The following RPS6KA3 variants were observed in gnomAD, a reference collection of about 807,000 sequenced individuals.
The protein encoded by RPS6KA3 is ribosomal protein S6 kinase alpha-3.
Under a neutral mutation model 67.2 loss-of-function variants are expected in RPS6KA3, and 4 were observed. The ratio of observed to expected loss-of-function variants is 0.06; its 90% CI spans 0.03 to 0.14. The LOEUF is 0.14. Ranked by LOEUF, RPS6KA3 falls within the 10% of genes least tolerant of loss-of-function variation. The pLI is 1.00. For missense variants in RPS6KA3, 204 were observed against 559.0 expected (o/e 0.36, Z 6.40); for synonymous variants, 182 against 183.7 (o/e 0.99, Z 0.07).
At chrX:20,226,498 T>C (rs2069125351) in intron 2 of RPS6KA3, among the ~76,000 whole-genome samples, 1 of 112,252 alleles carries the variant, frequency 8.9e-6, no homozygotes, top group African/African-American at 3.2e-5. Context: ...CCTTTGACTT[T>C]TGTTTACACC....
rs80267352 is a variant in RPS6KA3, at chrX:20,266,862, G to A, written c.-230C>T. On this transcript the variant is annotated 5_prime_UTR_variant, in exon 1 of 22. Transcript: ENST00000379565. The stretch of plus-strand genomic sequence containing the variant: ...GCCTGGCCAGAGACGCCCGCGCGCT[G>A]AGCGAGAGCCTCGCGCCTCCGCTGG... The A allele has an allele frequency of 1.4e-4, 64 of 454,107 alleles. No homozygotes were observed. The East Asian group carries it at 0.011, about 79-fold the overall frequency. The allele number at this position is 454,107 out of a possible 1,213,427, so 37.4% of individuals were successfully genotyped here. A position where few individuals can be genotyped will look rare whatever the true frequency, so the allele number is the denominator to read the frequency against.
rs767608291 is a variant in RPS6KA3 at position 20,187,983 on chromosome X, A to G, written c.632-13T>C. On this transcript the variant is annotated splice_polypyrimidine_tract_variant and intron_variant, in intron 8 of 21. Coordinates refer to ENST00000379565, the MANE Select transcript of RPS6KA3 (RefSeq NM_004586.3). ...CTTAGGCCGAAATCTGCCAAAACAA[A>G]TATCATAAATATCCTACATAAATTT... 14 of 1,184,927 alleles carry G rather than the reference A, an allele frequency of 1.2e-5. No individual in the cohort carries two copies. Among genetic ancestry groups the G allele is most frequent in the Admixed American group, 2.2e-5 (1 of 45,767 alleles).
intron 3 of RPS6KA3, 57 bp downstream of exon 3, chrX:20,209,231 T>A: frequency 1.5e-6 from 1 of 648,286 alleles, no homozygotes; most frequent in Non-Finnish European, 2.6e-6. Flanking sequence ...CTCATGTATA[T>A]GAAATACATA....
chrX:20,216,897 G>T (rs907163011), intron 2 of RPS6KA3, among the ~76,000 whole-genome samples: 1 of 111,928 alleles, frequency 8.9e-6, no homozygotes, highest in African/African-American at 3.2e-5. Context: ...ACTCTGTTAG[G>T]ACCATTCCTT....
chrX:20,157,267 T>C (rs1027990930), intron 20 of RPS6KA3, among the ~76,000 whole-genome samples: 2 of 111,807 alleles, frequency 1.8e-5, no homozygotes, highest in Non-Finnish European at 3.8e-5. Flanking sequence ...GGCATTCTGC[T>C]AGGCACTGGG....
At chrX:20,256,374 AT>A (rs2070066605) in intron 1 of RPS6KA3, among the ~76,000 whole-genome samples, 1 of 110,023 alleles carries the variant, frequency 9.1e-6, no homozygotes, top group Non-Finnish European at 1.9e-5. Flanking sequence ...CATCAAGTAG[AT>A]TTTTCTGAAA....
intron 19 of RPS6KA3, among the ~76,000 whole-genome samples, chrX:20,162,535 G>C (rs1403473340): frequency 9.5e-6 from 1 of 104,742 alleles, no homozygotes; most frequent in Non-Finnish European, 2.0e-5. Flanking sequence ...GACAACATCT[G>C]AATTAAAAAA....
In RPS6KA3 at chrX:20,150,160, T is replaced by C. The variant is rs2067080185; in HGVS notation, c.*5238A>G. 8.8e-6 allele frequency: 1 copy of C among 113,641 alleles called. No individual in the cohort carries two copies. The allele number at this position is 113,641 out of a possible 1,213,427, so 9.4% of individuals were successfully genotyped here. On this transcript the variant is annotated 3_prime_UTR_variant, in exon 22 of 22. Coordinates refer to ENST00000379565, the MANE Select transcript of RPS6KA3 (RefSeq NM_004586.3). ...ATAATTATGGCAGCAATGCCAAGCA[T>C]CTGATGCGATTTAACCACCAACAAA...
Position 20,242,416 on chromosome X carries a change from T to G in RPS6KA3, c.70-7602A>C, listed in dbSNP as rs142296920. Among the ~76,000 whole-genome samples the G allele has an allele frequency of 2.9e-3, 324 of 111,845 alleles. 5 individuals are homozygous for G. The highest frequency in any genetic ancestry group is 0.01 in the African/African-American group (311 of 30,871). On this transcript the variant is annotated intron_variant, in intron 1 of 21. Coordinates refer to ENST00000379565, the MANE Select transcript of RPS6KA3 (RefSeq NM_004586.3). ...TTTATGCAGGCATCACATTCAACCC[T>G]AAGAACATGAGTCAGGTATAATTAT...
chrX:20,252,850 C>G lies in RPS6KA3; in HGVS notation c.69+13714G>C, dbSNP rs191069338. On this transcript the variant is annotated intron_variant, in intron 1 of 21. Coordinates refer to ENST00000379565, the MANE Select transcript of RPS6KA3 (RefSeq NM_004586.3). ...AGGCTCAGTTCTCCACTGGGCCCCA[C>G]TGACATTAGTGGAGGTAAGATGTGT... 9.9e-5 allele frequency among the ~76,000 whole-genome samples: 11 copies of G among 111,496 alleles called. No homozygotes were observed. The East Asian group carries it at 3.1e-3, about 32-fold the overall frequency.
chrX:20,219,831 A>G (rs184924919), intron 2 of RPS6KA3, among the ~76,000 whole-genome samples: 27 of 112,311 alleles, frequency 2.4e-4, no homozygotes, highest in Non-Finnish European at 5.6e-5. Flanking sequence ...GAAGGACAAC[A>G]GCTTCAAGAG....
At chrX:20,221,778 G>C (rs78738053) in intron 2 of RPS6KA3, among the ~76,000 whole-genome samples, 1 of 112,555 alleles carries the variant, frequency 8.9e-6, no homozygotes, top group Non-Finnish European at 1.9e-5. Context: ...TGCTCTACAC[G>C]ATGGTCTGTC....
At position 20,239,207 on chromosome X, in the gene RPS6KA3, T is replaced by C. The variant is rs113921248; in HGVS notation, c.70-4393A>G. 5.7e-3 allele frequency among the ~76,000 whole-genome samples: 638 copies of C among 111,069 alleles called. 6 individuals carry two copies. Among genetic ancestry groups the C allele is most frequent in the African/African-American group, 0.02 (609 of 30,704 alleles). Reference sequence around the variant, plus strand: ...ACATAATATCTACCTCACAGGGATGTTGTAACTAAAAAGATCCACCAAGAG... The same window carrying C: ...ACATAATATCTACCTCACAGGGATGCTGTAACTAAAAAGATCCACCAAGAG... On this transcript the variant is annotated intron_variant, in intron 1 of 21. Transcript: ENST00000379565.
intron 1 of RPS6KA3, among the ~76,000 whole-genome samples, chrX:20,265,182 T>C (rs143455905): frequency 9.0e-6 from 1 of 111,702 alleles, no homozygotes; most frequent in Non-Finnish European, 1.9e-5. Flanking sequence ...GCACCAATCA[T>C]AAGCACTATT....
At chrX:20,170,133 T>A (rs190612277) in intron 15 of RPS6KA3, among the ~76,000 whole-genome samples, 16 of 112,327 alleles carry the variant, frequency 1.4e-4, no homozygotes, top group Admixed American at 1.4e-3. Flanking sequence ...AATAGTAATG[T>A]AGCTTTCTAA....
chrX:20,259,865 G>A (rs2070177093), intron 1 of RPS6KA3, among the ~76,000 whole-genome samples: 2 of 111,056 alleles, frequency 1.8e-5, no homozygotes, highest in Non-Finnish European at 3.8e-5. Flanking sequence ...TTGGAGGGGG[G>A]TGATTCTTGA....
chrX:20,233,776 C>A (rs1383007917), intron 2 of RPS6KA3, among the ~76,000 whole-genome samples: 2 of 110,877 alleles, frequency 1.8e-5, no homozygotes, highest in Non-Finnish European at 3.8e-5. Context: ...AACAAAAAAA[C>A]AAAACAAAGA....
intron 20 of RPS6KA3, among the ~76,000 whole-genome samples, chrX:20,157,295 C>T (rs1220840340): frequency 9.0e-6 from 1 of 110,749 alleles, no homozygotes; most frequent in Non-Finnish European, 1.9e-5. Context: ...CAATGAACAA[C>T]ACAGAAATGA....
intron 2 of RPS6KA3, among the ~76,000 whole-genome samples, chrX:20,223,872 G>A (rs1437660397): frequency 9.0e-6 from 1 of 111,325 alleles, no homozygotes; most frequent in East Asian, 2.8e-4. Context: ...TTTCTAATTC[G>A]CTGATTTTTG....
Sources: allele counts gnomAD v4.1 joint callset (sites outside exome capture counted in the v4.1 genomes callset), GRCh38; gene constraint gnomAD v4.1.1; transcripts MANE v1.5; gene names NCBI Gene and HGNC (gene_info 2026-07-23, HGNC 2026-07-21).